Variants in TMEM132E observed in about 807,000 individuals in gnomAD.
TMEM132E encodes transmembrane protein 132E.
A neutral mutation model predicts 78.5 loss-of-function variants in TMEM132E; 49 were observed. The ratio of observed to expected loss-of-function variants is 0.62; its 90% CI spans 0.50 to 0.79. TMEM132E has a LOEUF of 0.79. Among genes scored for constraint, TMEM132E ranks in the 30% least tolerant of loss-of-function variants. TMEM132E has a pLI of 0.00. For synonymous variants in TMEM132E, 715 were observed against 670.6 expected, an observed-to-expected ratio of 1.07 and a Z score of -1.02; for missense variants, 1,403 against 1,470.9, an observed-to-expected ratio of 0.95 and a Z score of 0.75.
At chr17:34,636,275 C>T (rs868584468) in intron 8 of TMEM132E, 77 bp downstream of exon 8, 2 of 1,301,868 alleles carry the variant, frequency 1.5e-6, no homozygotes, top group African/African-American at 3.1e-5. Context: ...TTTGCCCTAG[C>T]ACCAAGAGTC....
chr17:34,635,143 T>C (rs1907480638), intron 7 of TMEM132E, 56 bp downstream of exon 7: 5 of 1,506,390 alleles, frequency 3.3e-6, no homozygotes, highest in Non-Finnish European at 4.5e-6. Context: ...CTTATTTACC[T>C]GTGGGTGCAG....
In TMEM132E at chr17:34,626,329, C is replaced by T; in HGVS notation, c.270C>T (p.Leu90=). The change falls in exon 2 of 9, where the codon CTC becomes CTT. Residue 90 remains leucine, a synonymous_variant. Transcript: ENST00000631683. ...VVFQTKELPV[L]NVSLGPFSTS... ...TCCAGACCAAGGAGCTGCCGGTCCT[C>T]AACGTCTCTCTGGGGCCCTTCAGCA... 2 of 1,612,784 alleles carry T rather than the reference C, an allele frequency of 1.2e-6. No individual in the cohort carries two copies. Among genetic ancestry groups the T allele is most frequent in the Non-Finnish European group, 1.7e-6 (2 of 1,179,534 alleles).
intron 1 of TMEM132E, among the ~76,000 whole-genome samples, chr17:34,616,685 A>G (rs1006432373): frequency 1.3e-5 from 2 of 151,904 alleles, no homozygotes; most frequent in African/African-American, 4.8e-5. Flanking sequence ...GGAAGGTTTG[A>G]GCTGCTTTGG....
At chr17:34,585,852 G>C (rs142285095) in intron 1 of TMEM132E, among the ~76,000 whole-genome samples, 1 of 149,446 alleles carries the variant, frequency 6.7e-6, no homozygotes, top group Non-Finnish European at 1.5e-5. Flanking sequence ...AGTCCAACTG[G>C]GGGGAATGAG....
At chr17:34,622,364 G>T (rs1319717432) in intron 1 of TMEM132E, among the ~76,000 whole-genome samples, 1 of 152,230 alleles carries the variant, frequency 6.6e-6, no homozygotes, top group South Asian at 2.1e-4. Flanking sequence ...ATGCTGAGGA[G>T]ACTGAAGGGC....
Position 34,638,473 on chromosome 17 carries a change from A to C in TMEM132E, c.*241A>C. On this transcript the variant is annotated 3_prime_UTR_variant, in exon 9 of 9. Transcript: ENST00000631683. ...GCTCTTCCTCCAGTGGCTCGTAAGG[A>C]GGAAAGCAACCCCAGCCTCTGTTCT... 1 of 463,886 alleles carries C rather than the reference A, an allele frequency of 2.2e-6. No homozygotes were observed. Among genetic ancestry groups the C allele is most frequent in the Non-Finnish European group, 3.7e-6 (1 of 267,014 alleles). 28.7% of individuals were successfully genotyped at this position (463,886 alleles called of 1,614,324 possible).
chr17:34,626,454 G>T lies in TMEM132E; in HGVS notation c.395G>T (p.Arg132Leu). 1 of 1,613,040 alleles carries T rather than the reference G, an allele frequency of 6.2e-7. No individual in the cohort carries two copies. The highest frequency in any genetic ancestry group is 8.5e-7 in the Non-Finnish European group (1 of 1,179,800). Residue 132 changes from arginine (R) to leucine (L), a missense_variant, in exon 2 of 9, where the codon CGC (arginine) becomes CTC (leucine). Coordinates refer to ENST00000631683, the MANE Select transcript of TMEM132E (RefSeq NM_001304438.2). ...VNWKVRAFIV[R>L]SHVPASQPVV... ...TGGAAGGTGCGGGCCTTCATCGTCC[G>T]CTCGCACGTGCCCGCCTCGCAGCCC...
intron 1 of TMEM132E, among the ~76,000 whole-genome samples, chr17:34,593,592 G>A (rs1161701872): frequency 6.6e-6 from 1 of 152,222 alleles, no homozygotes; most frequent in Non-Finnish European, 1.5e-5. Flanking sequence ...GAAATCCCCT[G>A]CCCAGCTCAG....
intron 1 of TMEM132E, among the ~76,000 whole-genome samples, chr17:34,598,453 C>T (rs1056038770): frequency 2.0e-5 from 3 of 152,254 alleles, no homozygotes; most frequent in African/African-American, 7.2e-5. Context: ...AGGATTGGCT[C>T]TTGCTGGGTA....
intron 1 of TMEM132E, among the ~76,000 whole-genome samples, chr17:34,588,004 C>T (rs1475443994): frequency 6.6e-6 from 1 of 152,192 alleles, no homozygotes; most frequent in Non-Finnish European, 1.5e-5. Context: ...GCCAGCCATG[C>T]GGGCCCTTAT....
At chr17:34,587,029 A>T (rs1905703803) in intron 1 of TMEM132E, among the ~76,000 whole-genome samples, 1 of 152,178 alleles carries the variant, frequency 6.6e-6, no homozygotes, top group South Asian at 2.1e-4. Flanking sequence ...GGCAGTGGGC[A>T]GGATGTGTGC....
intron 1 of TMEM132E, among the ~76,000 whole-genome samples, chr17:34,593,246 T>TAA (rs75358178): frequency 0.77 from 116,169 of 150,978 alleles, 44,919 homozygotes; most frequent in Middle Eastern, 0.83. Flanking sequence ...ATCTCTACAT[T>TAA]AAAAAAAAAT....
chr17:34,595,913 A>C (rs1435876803), intron 1 of TMEM132E, among the ~76,000 whole-genome samples: 1 of 152,204 alleles, frequency 6.6e-6, no homozygotes, highest in Non-Finnish European at 1.5e-5. Flanking sequence ...TCCATCTCCA[A>C]TAATCACATC....
At chr17:34,631,786 TC>T (rs1259354283) in intron 5 of TMEM132E, among the ~76,000 whole-genome samples, 2 of 152,054 alleles carry the variant, frequency 1.3e-5, no homozygotes, top group Middle Eastern at 3.4e-3. Context: ...TGATAGACCT[TC>T]CCCCAAACTC....
chr17:34,585,257 G>A (rs1157175963), intron 1 of TMEM132E, among the ~76,000 whole-genome samples: 4 of 152,208 alleles, frequency 2.6e-5, no homozygotes, highest in Non-Finnish European at 5.9e-5. Flanking sequence ...GGGAGATAAG[G>A]CCACTGTGGA....
intron 1 of TMEM132E, among the ~76,000 whole-genome samples, chr17:34,586,402 A>G (rs1369734395): frequency 6.6e-6 from 1 of 152,040 alleles, no homozygotes; most frequent in African/African-American, 2.4e-5. Flanking sequence ...GCTCTGCCAT[A>G]CTCCAGCAGT....
rs1224885426 is a variant in TMEM132E, at chr17:34,626,515, C to T, written c.456C>T (p.Asp152=). The change falls in exon 2 of 9, where the codon GAC becomes GAT. Residue 152 remains aspartate (D), a synonymous_variant. Coordinates refer to ENST00000631683, the MANE Select transcript of TMEM132E (RefSeq NM_001304438.2). ...VQVLFYVAGR[D]WDDFGVTERL... ...TGCTGTTCTACGTAGCCGGCCGGGA[C>T]TGGGACGACTTCGGCGTCACCGAGC... 1 of 1,607,378 alleles carries T rather than the reference C, an allele frequency of 6.2e-7. No individual in the cohort carries two copies. The highest frequency in any genetic ancestry group is 2.2e-5 in the East Asian group (1 of 44,822).
At chr17:34,615,835 T>C (rs1207949790) in intron 1 of TMEM132E, among the ~76,000 whole-genome samples, 1 of 151,856 alleles carries the variant, frequency 6.6e-6, no homozygotes, top group African/African-American at 2.4e-5. Flanking sequence ...ATCCATTTAA[T>C]GACGATGATA....
At chr17:34,595,430 G>A (rs1382329930) in intron 1 of TMEM132E, among the ~76,000 whole-genome samples, 1 of 152,170 alleles carries the variant, frequency 6.6e-6, no homozygotes, top group Non-Finnish European at 1.5e-5. Context: ...CCAGCCAATG[G>A]GAAGACCTCC....
Sources: allele counts gnomAD v4.1 joint callset (sites outside exome capture counted in the v4.1 genomes callset), GRCh38; gene constraint gnomAD v4.1.1; transcripts MANE v1.5; gene names NCBI Gene and HGNC (gene_info 2026-07-23, HGNC 2026-07-21).